RPS6KA2: variants seen among roughly 807,000 people sequenced by gnomAD.
The protein encoded by RPS6KA2 is ribosomal protein S6 kinase alpha-2.
In RPS6KA2, 42 loss-of-function variants were observed where a neutral mutation model predicts 91.8. That is an observed-to-expected ratio of 0.46 (90% CI 0.36 to 0.59). The LOEUF is 0.59. Ranked by LOEUF, RPS6KA2 falls within the 20% of genes least tolerant of loss-of-function variation. The pLI is 0.00. For synonymous variants in RPS6KA2, 414 were observed against 393.6 expected (o/e 1.05, Z -0.61); for missense variants, 798 against 978.5 (o/e 0.82, Z 2.46).
intron 1 of RPS6KA2, among the ~76,000 whole-genome samples, chr6:166,587,145 C>T (rs1167367803): frequency 1.3e-5 from 2 of 152,210 alleles, no homozygotes; most frequent in Non-Finnish European, 2.9e-5. Flanking sequence ...TAGACTAACA[C>T]ATAAGGAAGA....
Position 166,626,986 on chromosome 6 carries a change from T to G in RPS6KA2, c.34A>C (p.Arg12=). 2 of 1,552,752 alleles carry G rather than the reference T, an allele frequency of 1.3e-6. No homozygotes were observed. The highest frequency in any genetic ancestry group is 1.2e-5 in the South Asian group (1 of 84,850). The change falls in exon 1 of 21, where the codon AGG becomes CGG. Residue 12 remains arginine, a synonymous_variant. Coordinates refer to ENST00000265678, the MANE Select transcript of RPS6KA2 (RefSeq NM_021135.6). The surrounding 1 kb of genome is among the most constrained non-coding windows in gnomAD (Gnocchi z 4.1). The part of the protein sequence containing the change: ...DLSMKKFAVR[R]FFSVYLRRKS... ...CTGCGCAGGTACACAGAGAAGAACC[T>G]GCGCACGGCGAACTTCTTCATGCTC... is the stretch of plus-strand genomic sequence containing the variant.
intron 10 of RPS6KA2, among the ~76,000 whole-genome samples, chr6:166,487,643 G>A (rs1287417531): frequency 6.6e-6 from 1 of 152,176 alleles, no homozygotes; most frequent in African/African-American, 2.4e-5. Flanking sequence ...AGGAAGAGTG[G>A]TTTACGTGAT....
At chr6:166,560,707 G>A (rs1295337319) in intron 1 of RPS6KA2, among the ~76,000 whole-genome samples, 3 of 152,280 alleles carry the variant, frequency 2.0e-5, no homozygotes, top group East Asian at 3.9e-4. Context: ...AGCAGGTGGA[G>A]GGGGTGGCCT....
chr6:166,522,626 T>A (rs1448787521), intron 3 of RPS6KA2, among the ~76,000 whole-genome samples: 1 of 152,206 alleles, frequency 6.6e-6, no homozygotes, highest in African/African-American at 2.4e-5. Context: ...GCCTGAGACT[T>A]CCTTTCTTTA....
chr6:166,827,774 T>C (rs1780085829), intron 2 of RPS6KA2, among the ~76,000 whole-genome samples: 2 of 152,224 alleles, frequency 1.3e-5, no homozygotes, highest in Non-Finnish European at 2.9e-5. Flanking sequence ...TCACACTGCG[T>C]ATCTTAAATA....
chr6:166,834,019 T>A (rs540178250), intron 2 of RPS6KA2, among the ~76,000 whole-genome samples: 214 of 152,200 alleles, frequency 1.4e-3, no homozygotes, highest in African/African-American at 4.9e-3. Context: ...CAGATGTGAG[T>A]CACCATGCCT....
At chr6:166,729,946 C>T (rs1469190035) in intron 2 of RPS6KA2, among the ~76,000 whole-genome samples, 3 of 152,210 alleles carry the variant, frequency 2.0e-5, no homozygotes, top group Non-Finnish European at 4.4e-5. Context: ...GAAGCAATCC[C>T]ACTGCAGGAG....
intron 2 of RPS6KA2, among the ~76,000 whole-genome samples, chr6:166,750,035 C>T (rs529338411): frequency 2.6e-5 from 4 of 152,116 alleles, no homozygotes; most frequent in East Asian, 3.9e-4. Flanking sequence ...CTTGAGTCAG[C>T]GGGGAGGGGC....
At chr6:166,654,336 ACAAG>A (rs1472057467) in intron 2 of RPS6KA2, among the ~76,000 whole-genome samples, 1 of 152,250 alleles carries the variant, frequency 6.6e-6, no homozygotes, top group Non-Finnish European at 1.5e-5. Context: ...TGAACGTGAA[ACAAG>A]CACCCTCGAA....
Position 166,498,806 on chromosome 6 carries a change from T to TCCCGAAGCCCGTCAGTG in RPS6KA2, c.605-173_605-157dup, listed in dbSNP as rs1392434702. ...GCAAAAGCGGGACCATGTGAGTGCT[T>TCCCGAAGCCCGTCAGTG]CCCGAAGCCCGTCAGTGCCCGAAGC... On this transcript the variant is annotated intron_variant, in intron 7 of 20. Transcript: ENST00000265678. 2.9e-4 allele frequency among the ~76,000 whole-genome samples: 44 copies of TCCCGAAGCCCGTCAGTG among 152,162 alleles called. 1 individual carries two copies. Among genetic ancestry groups the TCCCGAAGCCCGTCAGTG allele is most frequent in the African/African-American group, 1.0e-3 (43 of 41,506 alleles).
At chr6:166,853,671 G>C (rs759332139) in intron 2 of RPS6KA2, among the ~76,000 whole-genome samples, 2 of 152,258 alleles carry the variant, frequency 1.3e-5, no homozygotes, top group Non-Finnish European at 2.9e-5. Context: ...TGTGAGGTTC[G>C]TTTGAGTACA....
chr6:166,593,424 C>T (rs1442208517), intron 1 of RPS6KA2, among the ~76,000 whole-genome samples: 1 of 152,220 alleles, frequency 6.6e-6, no homozygotes, highest in African/African-American at 2.4e-5. Flanking sequence ...TGCTGGCTCA[C>T]ACTACAGTCA....
chr6:166,539,643 G>C (rs749770924), intron 1 of RPS6KA2, among the ~76,000 whole-genome samples: 35 of 152,336 alleles, frequency 2.3e-4, no homozygotes, highest in Middle Eastern at 6.8e-3. Context: ...TTCCCTGTAG[G>C]AGAAAGAGTC....
intron 2 of RPS6KA2, among the ~76,000 whole-genome samples, chr6:166,659,422 T>C (rs551729195): frequency 2.6e-5 from 4 of 152,170 alleles, no homozygotes; most frequent in African/African-American, 9.7e-5. Flanking sequence ...AGGAAGACGA[T>C]CGTGCAGGAC....
intron 3 of RPS6KA2, among the ~76,000 whole-genome samples, chr6:166,523,050 A>T (rs1266129114): frequency 6.6e-6 from 1 of 152,244 alleles, no homozygotes; most frequent in Non-Finnish European, 1.5e-5. Flanking sequence ...ATTAAAGATG[A>T]CAAGTAATGA....
chr6:166,486,125 C>T (rs1195340134), intron 10 of RPS6KA2, among the ~76,000 whole-genome samples: 1 of 152,204 alleles, frequency 6.6e-6, no homozygotes, highest in African/African-American at 2.4e-5. Flanking sequence ...AAGGAGGAGT[C>T]CTGATGACTC....
intron 2 of RPS6KA2, among the ~76,000 whole-genome samples, chr6:166,638,559 C>T (rs996185813): frequency 2.0e-5 from 3 of 152,184 alleles, no homozygotes; most frequent in Non-Finnish European, 4.4e-5. Flanking sequence ...GATCTAAAAA[C>T]GACCGCGGTA....
intron 2 of RPS6KA2, among the ~76,000 whole-genome samples, chr6:166,854,439 G>A (rs867720399): frequency 2.6e-5 from 4 of 152,288 alleles, no homozygotes; most frequent in Middle Eastern, 3.4e-3. Flanking sequence ...AAGTTGGAGT[G>A]ATCACAGCAC....
intron 2 of RPS6KA2, among the ~76,000 whole-genome samples, chr6:166,658,384 G>T (rs1467033428): frequency 6.6e-6 from 1 of 152,204 alleles, no homozygotes; most frequent in Non-Finnish European, 1.5e-5. Flanking sequence ...AAACCCTTCA[G>T]GATCTCACAG....
Sources: allele counts gnomAD v4.1 joint callset (sites outside exome capture counted in the v4.1 genomes callset), GRCh38; gene constraint gnomAD v4.1.1; non-coding constraint Gnocchi (gnomAD v3.1); transcripts MANE v1.5; gene names NCBI Gene and HGNC (gene_info 2026-07-23, HGNC 2026-07-21).